The following SLC14A2 variants were observed in gnomAD, a reference collection of about 807,000 sequenced individuals.
The protein encoded by SLC14A2 is urea transporter 2.
SLC14A2 carries 91 observed loss-of-function variants against 104.6 expected under a neutral mutation model. That is an observed-to-expected ratio of 0.87 (90% CI 0.73 to 1.04). The LOEUF is 1.04. Ranked by LOEUF, SLC14A2 falls within the 50% of genes least tolerant of loss-of-function variation. The probability of loss-of-function intolerance (pLI) is 0.00; values close to 1 mark genes in which losing one functional copy is unlikely to be tolerated. For synonymous variants in SLC14A2, 476 were observed against 466.4 expected, an observed-to-expected ratio of 1.02 and a Z score of -0.27; for missense variants, 1,189 against 1,156.0, an observed-to-expected ratio of 1.03 and a Z score of -0.41.
At chr18:45,585,967 T>C (rs575758166) in intron 2 of SLC14A2, among the ~76,000 whole-genome samples, 1 of 152,304 alleles carries the variant, frequency 6.6e-6, no homozygotes, top group South Asian at 2.1e-4. Context: ...CACATACTTA[T>C]TCAGTCAACA....
At chr18:45,475,316 G>A (rs1177512642) in intron 1 of SLC14A2, among the ~76,000 whole-genome samples, 1 of 151,960 alleles carries the variant, frequency 6.6e-6, no homozygotes, top group Non-Finnish European at 1.5e-5. Context: ...TAGAATAAGT[G>A]CGATGTGGTG....
chr18:45,299,034 GGTA>G (rs2084942683), intron 1 of SLC14A2, among the ~76,000 whole-genome samples: 1 of 152,160 alleles, frequency 6.6e-6, no homozygotes, highest in Non-Finnish European at 1.5e-5. Flanking sequence ...CTGGCTAAAA[GGTA>G]GTTTTGTTTT....
rs539039935 is a variant in SLC14A2, at chr18:45,491,807, AG to A, written c.-35+8486del. On this transcript the variant is annotated intron_variant, in intron 2 of 20. Coordinates refer to the SLC14A2 transcript ENST00000586448. ...CCAAGATAGTTCTGCACATGATAGT[AG>A]TGGGGTCATTTGTGGAAAGAGCACT... 6.4e-4 allele frequency among the ~76,000 whole-genome samples: 97 copies of A among 152,294 alleles called. 1 individual carries two copies. Among genetic ancestry groups the A allele is most frequent in the Non-Finnish European group, 1.1e-3 (76 of 68,024 alleles).
intron 2 of SLC14A2, among the ~76,000 whole-genome samples, chr18:45,589,472 G>A (rs114471530): frequency 1.1e-3 from 172 of 152,262 alleles, no homozygotes; most frequent in African/African-American, 3.9e-3. Context: ...TATAATGCAC[G>A]TTTAGTGTTT....
chr18:45,507,070 C>G (rs2043298282), intron 2 of SLC14A2: 1 of 152,212 alleles, frequency 6.6e-6, no homozygotes, highest in Admixed American at 6.5e-5. Flanking sequence ...CTACGAATCC[C>G]TACAGCTCCA....
chr18:45,282,705 T>C (rs1209888074), intron 1 of SLC14A2, among the ~76,000 whole-genome samples: 2 of 152,132 alleles, frequency 1.3e-5, no homozygotes, highest in African/African-American at 4.8e-5. Flanking sequence ...GATTTCGAAA[T>C]ACAGCAGGGC....
intron 17 of SLC14A2, 142 bp from the exon 18 acceptor site, chr18:45,673,541 G>C: frequency 5.7e-6 from 5 of 871,816 alleles, no homozygotes; most frequent in Middle Eastern, 5.5e-4. Flanking sequence ...TTTTTTCACA[G>C]AATAAAGCCA....
At chr18:45,246,438 A>G (rs1376160956) in intron 1 of SLC14A2, among the ~76,000 whole-genome samples, 1 of 152,216 alleles carries the variant, frequency 6.6e-6, no homozygotes, top group East Asian at 1.9e-4. Context: ...ACAATATTAA[A>G]TAATACATAT....
chr18:45,306,772 A>G (rs1048659647), intron 1 of SLC14A2, among the ~76,000 whole-genome samples: 1 of 152,140 alleles, frequency 6.6e-6, no homozygotes, highest in African/African-American at 2.4e-5. Context: ...CGCTTCTTCA[A>G]TTGTAAGATA....
At chr18:45,201,071 G>C in the SLC14A2 span, among the ~76,000 whole-genome samples, 1 of 151,970 alleles carries the variant, frequency 6.6e-6, no homozygotes, top group Admixed American at 6.6e-5. Flanking sequence ...TATGGGTGAG[G>C]TATTCTGTAA....
At chr18:45,498,423 C>T (rs1193765078) in intron 2 of SLC14A2, among the ~76,000 whole-genome samples, 1 of 152,194 alleles carries the variant, frequency 6.6e-6, no homozygotes, top group Non-Finnish European at 1.5e-5. Flanking sequence ...CTGCCAGACG[C>T]CCAGAGCCAA....
intron 2 of SLC14A2, among the ~76,000 whole-genome samples, chr18:45,572,949 T>C (rs1238571227): frequency 1.3e-5 from 2 of 152,214 alleles, no homozygotes; most frequent in Non-Finnish European, 2.9e-5. Flanking sequence ...TGAAGCATCA[T>C]TGTTATTGTC....
At chr18:45,499,522 T>C (rs2043157083) in intron 2 of SLC14A2, among the ~76,000 whole-genome samples, 1 of 152,258 alleles carries the variant, frequency 6.6e-6, no homozygotes, top group South Asian at 2.1e-4. Flanking sequence ...AAACCAAAGT[T>C]ATCTCCTCTA....
At chr18:45,224,230 G>A (rs1267790082) in intron 1 of SLC14A2, among the ~76,000 whole-genome samples, 5 of 152,326 alleles carry the variant, frequency 3.3e-5, no homozygotes, top group Non-Finnish European at 2.9e-5. Flanking sequence ...CTGCCCAGCC[G>A]TAGGCTGCTG....
At chr18:45,344,515 C>T (rs922239938) in intron 1 of SLC14A2, among the ~76,000 whole-genome samples, 1 of 152,102 alleles carries the variant, frequency 6.6e-6, no homozygotes, top group Non-Finnish European at 1.5e-5. Flanking sequence ...ATAAATAATA[C>T]AAATAAACAA....
intron 2 of SLC14A2, among the ~76,000 whole-genome samples, chr18:45,521,383 G>C (rs904676288): frequency 2.6e-5 from 4 of 152,096 alleles, no homozygotes; most frequent in Non-Finnish European, 4.4e-5. Context: ...GAGTGCACAG[G>C]GTTAGGGATA....
At chr18:45,222,131 C>T (rs1414399063) in intron 1 of SLC14A2, among the ~76,000 whole-genome samples, 2 of 152,170 alleles carry the variant, frequency 1.3e-5, no homozygotes, top group Non-Finnish European at 2.9e-5. Context: ...TGGGATTTGA[C>T]ATTAACTGTG....
intron 1 of SLC14A2, among the ~76,000 whole-genome samples, chr18:45,385,537 G>C (rs984055454): frequency 6.6e-6 from 1 of 152,136 alleles, no homozygotes. Flanking sequence ...TAGAGGGAGA[G>C]TAGGAGATTA....
chr18:45,641,298 T>A lies in SLC14A2; in HGVS notation c.1081T>A (p.Phe361Ile). 6.2e-7 allele frequency: 1 copy of A among 1,614,180 alleles called. No homozygotes were observed. The change falls in exon 8 of 20, where the codon TTC becomes ATC. Residue 361 changes from phenylalanine (F) to isoleucine (I), a missense_variant. Phe to Ile is a conservative substitution (Grantham distance 21). Coordinates refer to ENST00000255226, the MANE Select transcript of SLC14A2 (RefSeq NM_007163.4). ...CTCCTGCATCGCCATCGGAGGCATG[T>A]TCTATGCCCTCACCTGGCAGACTCA... ...VLSCIAIGGM[F>I]YALTWQTHLL...
Sources: allele counts gnomAD v4.1 joint callset (sites outside exome capture counted in the v4.1 genomes callset), GRCh38; gene constraint gnomAD v4.1.1; transcripts MANE v1.5; gene names NCBI Gene and HGNC (gene_info 2026-07-23, HGNC 2026-07-21).